CDK15: variants seen among roughly 807,000 people sequenced by gnomAD.
CDK15 encodes cyclin-dependent kinase 15.
In CDK15, 62 loss-of-function variants were observed where a neutral mutation model predicts 60.3. The ratio of observed to expected loss-of-function variants is 1.03; its 90% CI spans 0.84 to 1.27. The LOEUF (loss-of-function observed/expected upper bound fraction) is 1.27, where lower values mean the gene tolerates loss of function less well. Ranked by LOEUF, CDK15 falls within the 50% of genes most tolerant of loss-of-function variation. The probability of loss-of-function intolerance (pLI) is 0.00; values close to 1 mark genes in which losing one functional copy is unlikely to be tolerated. For synonymous variants in CDK15, 194 were observed against 195.7 expected, an observed-to-expected ratio of 0.99 and a Z score of 0.07; for missense variants, 541 against 527.8, an observed-to-expected ratio of 1.03 and a Z score of -0.25.
At chr2:201,853,675 A>C (rs1197212717) in intron 9 of CDK15, among the ~76,000 whole-genome samples, 1 of 152,098 alleles carries the variant, frequency 6.6e-6, no homozygotes, top group Non-Finnish European at 1.5e-5. Flanking sequence ...TTTCACAAGA[A>C]CAATGTTACT....
At chr2:201,834,041 T>G (rs1696898226) in intron 7 of CDK15, 70 bp downstream of exon 7, 5 of 1,550,892 alleles carry the variant, frequency 3.2e-6, no homozygotes, top group Middle Eastern at 1.9e-4. Flanking sequence ...GTTTAAGCGT[T>G]GACTGGGCCT....
At chr2:201,886,865 T>C (rs996778297) in intron 12 of CDK15, among the ~76,000 whole-genome samples, 1 of 152,146 alleles carries the variant, frequency 6.6e-6, no homozygotes, top group Non-Finnish European at 1.5e-5. Flanking sequence ...TAGCTCCCAG[T>C]GTTGATGAGA....
intron 10 of CDK15, among the ~76,000 whole-genome samples, chr2:201,866,801 G>A (rs902292232): frequency 4.6e-5 from 7 of 152,152 alleles, no homozygotes; most frequent in African/African-American, 1.7e-4. Context: ...TGGGAGAGAG[G>A]CAAGGTCATT....
chr2:201,852,222 C>T (rs1371668534), intron 9 of CDK15, among the ~76,000 whole-genome samples: 3 of 152,172 alleles, frequency 2.0e-5, no homozygotes, highest in African/African-American at 2.4e-5. Flanking sequence ...TTTTACTAAA[C>T]GTAGCCTACA....
intron 12 of CDK15, 113 bp from the exon 13 acceptor site, chr2:201,890,672 C>G: frequency 1.4e-6 from 1 of 725,060 alleles, no homozygotes; most frequent in Non-Finnish European, 2.3e-6. Context: ...GTAAATAAGT[C>G]TGGCTCATGT....
At chr2:201,835,090 G>C (rs896084815) in intron 7 of CDK15, among the ~76,000 whole-genome samples, 1 of 152,182 alleles carries the variant, frequency 6.6e-6, no homozygotes, top group African/African-American at 2.4e-5. Flanking sequence ...GGCCATGTTA[G>C]TCATGAACAG....
At chr2:201,810,413 T>C (rs189296231) in intron 3 of CDK15, among the ~76,000 whole-genome samples, 5 of 149,856 alleles carry the variant, frequency 3.3e-5, no homozygotes, top group Admixed American at 2.7e-4. Flanking sequence ...CCAACCCACA[T>C]GATAGGGCTA....
chr2:201,864,710 A>G (rs1288723550), intron 10 of CDK15, among the ~76,000 whole-genome samples: 1 of 152,218 alleles, frequency 6.6e-6, no homozygotes, highest in South Asian at 2.1e-4. Flanking sequence ...CACCCCTGCT[A>G]TTTTATTCAA....
intron 12 of CDK15, among the ~76,000 whole-genome samples, chr2:201,883,448 C>G (rs1699350065): frequency 6.6e-6 from 1 of 152,182 alleles, no homozygotes; most frequent in South Asian, 2.1e-4. Flanking sequence ...ACAATGCTTT[C>G]CCTAGGTTGT....
At position 201,893,443 on chromosome 2, in the gene CDK15, A is replaced by C. The variant is rs1354268692; in HGVS notation, c.*176A>C. 1 of 152,228 alleles carries C rather than the reference A, an allele frequency of 6.6e-6. No homozygotes were observed. 9.4% of individuals were successfully genotyped at this position (152,228 alleles called of 1,614,324 possible). A position where few individuals can be genotyped will look rare whatever the true frequency, so the allele number is the denominator to read the frequency against. On this transcript the variant is annotated 3_prime_UTR_variant, in exon 14 of 14. Transcript: ENST00000652192. ...TATGGTGTTCAAGGCAATAGTACAT[A>C]ATAGTGGAAGAAAATTCAGTGGAAG...
At chr2:201,875,088 G>C (rs920188167) in intron 11 of CDK15, among the ~76,000 whole-genome samples, 1 of 152,154 alleles carries the variant, frequency 6.6e-6, no homozygotes, top group African/African-American at 2.4e-5. Flanking sequence ...TGATGGGTTA[G>C]TAGATGGTGT....
chr2:201,814,665 C>G (rs1205581547), intron 4 of CDK15, among the ~76,000 whole-genome samples: 1 of 152,138 alleles, frequency 6.6e-6, no homozygotes, highest in Non-Finnish European at 1.5e-5. Flanking sequence ...GGGTCACTAG[C>G]TAAAAAGGCA....
At chr2:201,839,967 T>A (rs541969573) in intron 8 of CDK15, among the ~76,000 whole-genome samples, 25 of 143,958 alleles carry the variant, frequency 1.7e-4, no homozygotes, top group African/African-American at 6.5e-4. Flanking sequence ...CTGCTGGGGT[T>A]TTTTTTTTGT....
chr2:201,890,056 G>GA (rs1163431033), intron 12 of CDK15, among the ~76,000 whole-genome samples: 4,534 of 96,212 alleles, frequency 0.047, 86 homozygotes, highest in Middle Eastern at 0.097. Context: ...CTCAAAAAAA[G>GA]AAAAAAAAAA....
chr2:201,876,187 G>A (rs944584247), intron 11 of CDK15, among the ~76,000 whole-genome samples: 1 of 152,152 alleles, frequency 6.6e-6, no homozygotes, highest in Non-Finnish European at 1.5e-5. Flanking sequence ...TTGTTCCAGC[G>A]GGAGTTAGAG....
chr2:201,851,030 G>T (rs879540034), intron 9 of CDK15, among the ~76,000 whole-genome samples: 1 of 152,080 alleles, frequency 6.6e-6, no homozygotes, highest in Non-Finnish European at 1.5e-5. Context: ...AGTGGCTCAT[G>T]CCTGTAATCC....
At position 201,880,095 on chromosome 2, in the gene CDK15, G is replaced by T. The variant is rs61995877; in HGVS notation, c.1126G>T (p.Val376Phe). 2 of 1,614,078 alleles carry T rather than the reference G, an allele frequency of 1.2e-6. No individual in the cohort carries two copies. The highest frequency in any genetic ancestry group is 2.2e-5 in the East Asian group (1 of 44,880). ...QMLKGFPRDR[V>F]SAQEALVHDY... ...GCTAAAAGGCTTTCCCAGAGACCGC[G>T]TCTCCGCCCAGGAAGCACTTGTTCA... The change falls in exon 12 of 14, where the codon GTC (valine) becomes TTC (phenylalanine). Residue 376 changes from valine (V) to phenylalanine (F), a missense_variant. By Grantham distance (50) the Val-to-Phe change is conservative. Coordinates refer to ENST00000652192, the MANE Select transcript of CDK15 (RefSeq NM_001366386.2).
intron 10 of CDK15, among the ~76,000 whole-genome samples, chr2:201,869,740 A>G (rs575920469): frequency 3.8e-4 from 58 of 152,268 alleles, no homozygotes; most frequent in Middle Eastern, 3.4e-3. Flanking sequence ...CCAAAAACAC[A>G]GCACATAGAC....
At chr2:201,838,341 C>A (rs1212957554) in intron 8 of CDK15, among the ~76,000 whole-genome samples, 2 of 152,082 alleles carry the variant, frequency 1.3e-5, no homozygotes, top group African/African-American at 4.8e-5. Context: ...ACAGCCCCTG[C>A]AACAAAGATT....
Sources: gnomAD v4.1 joint callset for allele counts (sites outside exome capture counted in the v4.1 genomes callset) on GRCh38, gnomAD v4.1.1 for gene constraint, MANE v1.5 for transcripts, NCBI Gene and HGNC (gene_info 2026-07-23, HGNC 2026-07-21) for gene names.